SEC14L1: variants seen among roughly 807,000 people sequenced by gnomAD.
SEC14L1 encodes the protein SEC14-like protein 1.
A neutral mutation model predicts 85.3 loss-of-function variants in SEC14L1; 48 were observed. The observed-to-expected ratio is 0.56, with a 90% CI of 0.45 to 0.72. The LOEUF (loss-of-function observed/expected upper bound fraction) is 0.72, where lower values mean the gene tolerates loss of function less well. SEC14L1 is among the 30% of genes least tolerant of loss of function. The pLI, the probability that SEC14L1 is intolerant of heterozygous loss-of-function variation, is 0.00. For missense variants in SEC14L1, 682 were observed against 921.4 expected (o/e 0.74, Z 3.36); for synonymous variants, 391 against 355.5 (o/e 1.10, Z -1.12).
intron 5 of SEC14L1, 86 bp downstream of exon 5, chr17:77,191,398 T>A: frequency 6.7e-7 from 1 of 1,488,400 alleles, no homozygotes. Flanking sequence ...ACAGTGCATC[T>A]TTTTGTCTTA....
At position 77,213,314 on chromosome 17, in the gene SEC14L1, G is replaced by A; in HGVS notation, c.1864G>A (p.Gly622Ser). The A allele has an allele frequency of 6.2e-7, 1 of 1,605,376 alleles. No individual in the cohort carries two copies. Among genetic ancestry groups the A allele is most frequent in the Non-Finnish European group, 8.5e-7 (1 of 1,175,816 alleles). The change falls in exon 16 of 17, where the codon GGT (glycine) becomes AGT (serine). Residue 622 changes from glycine (G) to serine (S), a missense_variant and splice_region_variant. Physicochemically the swap from Gly to Ser is moderately conservative, Grantham distance 56. This residue lies in a region of SEC14L1 where 420 missense variants were observed against 619.5 expected (regional missense o/e 0.68). Coordinates refer to ENST00000436233, the MANE Select transcript of SEC14L1 (RefSeq NM_001143998.2). The surrounding 1 kb of genome is among the most constrained non-coding windows in gnomAD (Gnocchi z 7.1). ...GCTGCCACTGCCCTACTTGTTCTAG[G>A]GTTCCCATGTGACCAGGTGGCCGGG... ...LICKEGESVQGSHVTRWPGFY... is the reference protein window; with the variant it reads ...LICKEGESVQSSHVTRWPGFY...
chr17:77,166,385 A>C (rs969099741), intron 3 of SEC14L1, among the ~76,000 whole-genome samples: 1 of 152,260 alleles, frequency 6.6e-6, no homozygotes, highest in Non-Finnish European at 1.5e-5. Context: ...TAATGGTGGA[A>C]CTGGGATTTG....
rs200999572 is a variant in SEC14L1, at chr17:77,214,803, C to T, written c.*780C>T. 51 of 985,468 alleles carry T rather than the reference C, an allele frequency of 5.2e-5. No homozygotes were observed. In the East Asian group the frequency reaches 2.8e-3, roughly 55 times the overall value. The allele number at this position is 985,468 out of a possible 1,614,324, so 61.0% of individuals were successfully genotyped here. On this transcript the variant is annotated 3_prime_UTR_variant, in exon 17 of 17. Coordinates refer to ENST00000436233, the MANE Select transcript of SEC14L1 (RefSeq NM_001143998.2). Reference sequence around the variant, plus strand: ...GGGGTTCTTCCCGTTTCCTTCCGTGCGTCGCCCCTCTCACCTGCAGTCAGC... The same window carrying T: ...GGGGTTCTTCCCGTTTCCTTCCGTGTGTCGCCCCTCTCACCTGCAGTCAGC...
chr17:77,175,354 A>G (rs930523014), intron 3 of SEC14L1, among the ~76,000 whole-genome samples: 7 of 152,298 alleles, frequency 4.6e-5, no homozygotes, highest in Admixed American at 6.5e-5. Context: ...TTTTATACAC[A>G]CTTCACAGAA....
intron 3 of SEC14L1, among the ~76,000 whole-genome samples, chr17:77,156,765 A>G (rs1029218142): frequency 7.9e-5 from 12 of 152,098 alleles, no homozygotes; most frequent in African/African-American, 2.4e-4. Flanking sequence ...TGTATTTACT[A>G]TTTATGGTTC....
intron 3 of SEC14L1, chr17:77,143,872 C>T (rs1185425400): frequency 1.2e-5 from 5 of 428,648 alleles, no homozygotes; most frequent in African/African-American, 8.2e-5. Flanking sequence ...AAATGCACCT[C>T]AGGGTAATGT....
At chr17:77,190,685 T>A in intron 3 of SEC14L1, 118 bp from the exon 4 acceptor site, 1 of 962,168 alleles carries the variant, frequency 1.0e-6, no homozygotes, top group Non-Finnish European at 1.6e-6. Flanking sequence ...TGAAGACAGT[T>A]GTGGCGCTGC....
rs1350816511 is a variant in SEC14L1, at chr17:77,213,105, C to T, written c.1864-209C>T. On this transcript the variant is annotated intron_variant, in intron 15 of 16. Coordinates refer to ENST00000436233, the MANE Select transcript of SEC14L1 (RefSeq NM_001143998.2). The surrounding 1 kb of genome is among the most constrained non-coding windows in gnomAD (Gnocchi z 7.1). The stretch of plus-strand genomic sequence containing the variant: ...CATGGAGCTTGTCCCTCCGGGCTTC[C>T]CAGCACCCGGGAGTGACCACACTCA... Among the ~76,000 whole-genome samples, 1 of 152,232 alleles carries T rather than the reference C, an allele frequency of 6.6e-6. No homozygotes were observed. Among genetic ancestry groups the T allele is most frequent in the East Asian group, 1.9e-4 (1 of 5,198 alleles).
chr17:77,139,285 C>A (rs968940104), upstream of SEC14L1, among the ~76,000 whole-genome samples: 2 of 151,488 alleles, frequency 1.3e-5, no homozygotes, highest in Non-Finnish European at 2.9e-5. Flanking sequence ...GATTCTCCTG[C>A]CTCAGCCTCC....
intron 3 of SEC14L1, among the ~76,000 whole-genome samples, chr17:77,134,392 G>A (rs978702395): frequency 4.6e-5 from 7 of 152,104 alleles, no homozygotes; most frequent in African/African-American, 9.6e-5. Flanking sequence ...TGGAACTATA[G>A]ATGCGAGCCA....
At position 77,214,367 on chromosome 17, in the gene SEC14L1, A is replaced by C; in HGVS notation, c.*344A>C. ...AAAAAATTTTTCCAACGAACTCCGC[A>C]TTGTCCATTAGTGAATGAATTCCTG... On this transcript the variant is annotated 3_prime_UTR_variant, in exon 17 of 17. Coordinates refer to ENST00000436233, the MANE Select transcript of SEC14L1 (RefSeq NM_001143998.2). The C allele has an allele frequency of 9.5e-7, 1 of 1,056,428 alleles. No individual in the cohort carries two copies. Among genetic ancestry groups the C allele is most frequent in the Non-Finnish European group, 1.1e-6 (1 of 872,622 alleles). The allele number at this position is 1,056,428 out of a possible 1,614,324, so 65.4% of individuals were successfully genotyped here.
At chr17:77,177,922 C>T (rs542378475) in intron 3 of SEC14L1, among the ~76,000 whole-genome samples, 1 of 152,146 alleles carries the variant, frequency 6.6e-6, no homozygotes. Flanking sequence ...AAAATCATAG[C>T]CACTGTCATT....
At chr17:77,090,312 A>G (rs1971481183) in intron 2 of SEC14L1, among the ~76,000 whole-genome samples, 2 of 151,786 alleles carry the variant, frequency 1.3e-5, no homozygotes, top group African/African-American at 2.4e-5. Context: ...AAAAGGGCAT[A>G]ATTCAAGCCA....
At chr17:77,144,831 C>G (rs932190153) in intron 3 of SEC14L1, 2 of 150,422 alleles carry the variant, frequency 1.3e-5, no homozygotes, top group African/African-American at 2.4e-5. Flanking sequence ...AGGCTGGTCT[C>G]GAACTCCTGA....
At chr17:77,139,537 G>A (rs1010997275), upstream of SEC14L1, among the ~76,000 whole-genome samples, 4 of 140,250 alleles carry the variant, frequency 2.9e-5, no homozygotes, top group African/African-American at 1.1e-4. Context: ...TCGCTCTGTC[G>A]ACCAGGCTGG....
chr17:77,176,222 A>G (rs1462865591), intron 3 of SEC14L1, among the ~76,000 whole-genome samples: 2 of 152,150 alleles, frequency 1.3e-5, no homozygotes, highest in African/African-American at 4.8e-5. Context: ...CCCAGCAGGC[A>G]GAGGTTGCAG....
At chr17:77,119,177 A>C (rs1972241920) in intron 3 of SEC14L1, among the ~76,000 whole-genome samples, 1 of 151,992 alleles carries the variant, frequency 6.6e-6, no homozygotes, top group African/African-American at 2.4e-5. Flanking sequence ...GAGTGTGGGC[A>C]TGCGCCTCTA....
At chr17:77,172,156 C>T (rs1366574256) in intron 3 of SEC14L1, among the ~76,000 whole-genome samples, 3 of 151,902 alleles carry the variant, frequency 2.0e-5, no homozygotes, top group Admixed American at 6.6e-5. Flanking sequence ...AACTGAGGAG[C>T]GAGCAGCTCC....
upstream of SEC14L1, among the ~76,000 whole-genome samples, chr17:77,137,892 G>A: frequency 6.6e-6 from 1 of 152,212 alleles, no homozygotes; most frequent in East Asian, 1.9e-4. Flanking sequence ...TGATTCATCA[G>A]GACAGGAGGA....
Sources: allele counts gnomAD v4.1 joint callset (sites outside exome capture counted in the v4.1 genomes callset), GRCh38; gene constraint gnomAD v4.1.1; regional missense constraint gnomAD v4.1.1; non-coding constraint Gnocchi (gnomAD v3.1); transcripts MANE v1.5; gene names NCBI Gene and HGNC (gene_info 2026-07-23, HGNC 2026-07-21).